The following TTC39C variants were observed in gnomAD, a reference collection of about 807,000 sequenced individuals.
The protein encoded by TTC39C is tetratricopeptide repeat domain 39C, also known as tetratricopeptide repeat protein 39C.
Under a neutral mutation model 76.3 loss-of-function variants are expected in TTC39C, and 33 were observed. That is an observed-to-expected ratio of 0.43 (90% CI 0.33 to 0.58). The LOEUF (loss-of-function observed/expected upper bound fraction) is 0.58. TTC39C is among the 20% of genes least tolerant of loss of function. TTC39C has a pLI of 0.04. For synonymous variants in TTC39C, 254 were observed against 260.6 expected, an observed-to-expected ratio of 0.97 and a Z score of 0.24; for missense variants, 595 against 701.4, an observed-to-expected ratio of 0.85 and a Z score of 1.71.
chr18:24,100,557 G>A (rs2084662265), intron 6 of TTC39C, among the ~76,000 whole-genome samples: 1 of 152,248 alleles, frequency 6.6e-6, no homozygotes, highest in Non-Finnish European at 1.5e-5. Flanking sequence ...AATGACAGTG[G>A]CACTGCAGTG....
intron 8 of TTC39C, among the ~76,000 whole-genome samples, chr18:24,120,063 A>G (rs1198467715): frequency 6.6e-6 from 1 of 151,326 alleles, no homozygotes; most frequent in Non-Finnish European, 1.5e-5. Flanking sequence ...GATTTTGTAG[A>G]GAGGATAAGA....
At chr18:24,114,460 A>G in intron 6 of TTC39C, 94 bp from the exon 7 acceptor site, 1 of 979,696 alleles carries the variant, frequency 1.0e-6, no homozygotes, top group Non-Finnish European at 1.6e-6. Context: ...CCTGTTTAAA[A>G]TAACTATGAA....
chr18:24,066,281 G>A (rs906682725), intron 3 of TTC39C, 141 bp downstream of exon 3: 3 of 1,160,722 alleles, frequency 2.6e-6, no homozygotes, highest in Admixed American at 6.4e-5. Context: ...ATGGTTTTTG[G>A]TTATATAAAA....
intron 1 of TTC39C, among the ~76,000 whole-genome samples, chr18:24,036,308 C>A (rs1251459894): frequency 6.6e-6 from 1 of 152,174 alleles, no homozygotes. Context: ...CTAGAGGTAA[C>A]TTGAGTAGTA....
intron 1 of TTC39C, among the ~76,000 whole-genome samples, chr18:24,029,539 C>G (rs2083642538): frequency 6.6e-6 from 1 of 152,134 alleles, no homozygotes; most frequent in Non-Finnish European, 1.5e-5. Flanking sequence ...TTTGGGGGAA[C>G]AGGTAGTGTT....
At chr18:24,130,668 G>A (rs1474048970) in intron 12 of TTC39C, among the ~76,000 whole-genome samples, 1 of 151,906 alleles carries the variant, frequency 6.6e-6, no homozygotes, top group East Asian at 1.9e-4. Context: ...TGAGAAATGC[G>A]TTGTTAGGCA....
chr18:24,045,927 ATTTTTTTTTTT>A (rs1156578816), intron 1 of TTC39C, among the ~76,000 whole-genome samples: 3 of 25,670 alleles, frequency 1.2e-4, no homozygotes, highest in South Asian at 2.3e-3. Flanking sequence ...ATATATATAT[ATTTTTTTTTTT>A]TTTTTTTTTT....
chr18:24,096,502 A>G (rs1210809699), intron 6 of TTC39C, among the ~76,000 whole-genome samples: 1 of 152,204 alleles, frequency 6.6e-6, no homozygotes, highest in Non-Finnish European at 1.5e-5. Flanking sequence ...ACTAAGATTT[A>G]TAGACTATTC....
chr18:24,128,031 T>C (rs1357844004), intron 10 of TTC39C, among the ~76,000 whole-genome samples: 1 of 151,426 alleles, frequency 6.6e-6, no homozygotes, highest in African/African-American at 2.4e-5. Flanking sequence ...AGCACGGTCC[T>C]CCTCCCTGCT....
chr18:24,004,847 G>A (rs982437126), intron 1 of TTC39C, among the ~76,000 whole-genome samples: 10 of 152,064 alleles, frequency 6.6e-5, no homozygotes, highest in Admixed American at 5.2e-4. Flanking sequence ...CTGCTTTCTG[G>A]GAGTTACCAT....
rs1281772017 is a variant in TTC39C at position 24,059,921 on chromosome 18, CA to C, written c.168-4216del. On this transcript the variant is annotated intron_variant, in intron 1 of 13. Coordinates refer to ENST00000317571, the MANE Select transcript of TTC39C (RefSeq NM_001135993.2). ...AAGTCATGTCCTGCATGGCAGCAGGCAAAGAGAGAATGAGAGCCAGGTGAAA... is the reference window on the plus strand; with the variant it reads ...AAGTCATGTCCTGCATGGCAGCAGGCAAGAGAGAATGAGAGCCAGGTGAAA... Among the ~76,000 whole-genome samples the C allele has an allele frequency of 2.0e-5, 3 of 152,204 alleles. No homozygotes were observed. In the East Asian group the frequency reaches 5.8e-4, roughly 29 times the overall value.
intron 4 of TTC39C, among the ~76,000 whole-genome samples, chr18:24,072,697 T>C (rs1176290128): frequency 6.6e-6 from 1 of 152,266 alleles, no homozygotes; most frequent in Non-Finnish European, 1.5e-5. Context: ...ACTTTATATC[T>C]TTTTAACTCT....
In TTC39C at chr18:24,125,536, A is replaced by G. The variant is rs1045818254; in HGVS notation, c.1406A>G (p.Gln469Arg). The G allele has an allele frequency of 3.1e-6, 5 of 1,614,110 alleles. No homozygotes were observed. The African/African-American group carries it at 6.7e-5, about 22-fold the overall frequency. Reference sequence around the variant, plus strand: ...CCAAACTGTTCCTTCCCCAACCTGCAGAGGATGAGTCAAGGTAAAAAATTT... The same window carrying G: ...CCAAACTGTTCCTTCCCCAACCTGCGGAGGATGAGTCAAGGTAAAAAATTT... Reference protein sequence around the residue: ...ALPNCSFPNLQRMSQACHEVD... With the variant: ...ALPNCSFPNLRRMSQACHEVD... The change falls in exon 10 of 14, where the codon CAG becomes CGG. Residue 469 changes from glutamine (Q) to arginine (R), a missense_variant. Physicochemically the swap from Gln to Arg is conservative, Grantham distance 43. Transcript: ENST00000317571.
At position 24,036,517 on chromosome 18, in the gene TTC39C, T is replaced by C. The variant is rs139409647; in HGVS notation, c.167+21479T>C. Among the ~76,000 whole-genome samples, 1,082 of 152,378 alleles carry C rather than the reference T, an allele frequency of 7.1e-3. 9 individuals carry two copies. The highest frequency in any genetic ancestry group is 0.054 in the Middle Eastern group (16 of 294). On this transcript the variant is annotated intron_variant, in intron 1 of 13. Transcript: ENST00000317571. ...CTTTCTTAATGTTTTGAATTATTCA[T>C]TGTTAGTGTGTAGAAATACAACTGA...
chr18:24,031,122 CT>C (rs74423704), intron 1 of TTC39C, among the ~76,000 whole-genome samples: 6,584 of 139,518 alleles, frequency 0.047, 399 homozygotes, highest in African/African-American at 0.15. Context: ...ACCTTTTTTA[CT>C]TTTTTTTTTT....
At chr18:24,030,223 G>A (rs2083650327) in intron 1 of TTC39C, among the ~76,000 whole-genome samples, 2 of 152,164 alleles carry the variant, frequency 1.3e-5, no homozygotes, top group Non-Finnish European at 2.9e-5. Flanking sequence ...GTCTCCATGT[G>A]CCATTAGCAT....
At chr18:24,012,850 A>AACACAC (rs143178761), upstream of TTC39C, 10,212 of 145,418 alleles carry the variant, frequency 0.07, 632 homozygotes, top group Admixed American at 0.15. Context: ...TGCCCATCAA[A>AACACAC]ACACACACAC....
At chr18:24,102,330 C>A (rs932237704) in intron 6 of TTC39C, among the ~76,000 whole-genome samples, 1 of 152,172 alleles carries the variant, frequency 6.6e-6, no homozygotes, top group Non-Finnish European at 1.5e-5. Context: ...GATTGCTATT[C>A]ATTCACGTGG....
chr18:23,997,613 GAAAGA>G (rs1404227300), intron 1 of TTC39C, among the ~76,000 whole-genome samples: 5 of 138,332 alleles, frequency 3.6e-5, no homozygotes, highest in East Asian at 2.1e-4. Flanking sequence ...AGGGAGGGAG[GAAAGA>G]AAAGAAAAGA....
Sources: gnomAD v4.1 joint callset for allele counts (sites outside exome capture counted in the v4.1 genomes callset) on GRCh38, gnomAD v4.1.1 for gene constraint, MANE v1.5 for transcripts, NCBI Gene and HGNC (gene_info 2026-07-23, HGNC 2026-07-21) for gene names.